The following TBC1D9 variants were observed in gnomAD, a reference collection of about 807,000 sequenced individuals.
The protein encoded by TBC1D9 is TBC1 domain family member 9, also known as TBC1 domain family member 9A.
Under a neutral mutation model 132.0 loss-of-function variants are expected in TBC1D9, and 63 were observed. That is an observed-to-expected ratio of 0.48 (90% confidence interval 0.39 to 0.59). The LOEUF (loss-of-function observed/expected upper bound fraction) is 0.59, where lower values mean the gene tolerates loss of function less well. Among genes scored for constraint, TBC1D9 ranks in the 20% least tolerant of loss-of-function variants. The probability of loss-of-function intolerance (pLI) is 0.00; values close to 1 mark genes in which losing one functional copy is unlikely to be tolerated. For missense variants in TBC1D9, 1,261 were observed against 1,592.7 expected, an observed-to-expected ratio of 0.79 and a Z score of 3.54; for synonymous variants, 610 against 609.9, an observed-to-expected ratio of 1.00 and a Z score of 0.00.
intron 1 of TBC1D9, among the ~76,000 whole-genome samples, chr4:140,741,777 G>A (rs1578864077): frequency 6.6e-6 from 1 of 152,238 alleles, no homozygotes; most frequent in African/African-American, 2.4e-5. Context: ...CCTGCTATCT[G>A]GAGGCTTCAT....
At chr4:140,701,847 C>T (rs2111040030) in intron 1 of TBC1D9, among the ~76,000 whole-genome samples, 1 of 132,978 alleles carries the variant, frequency 7.5e-6, no homozygotes, top group East Asian at 2.8e-4. Context: ...CAGGCTGCCC[C>T]ACATGTTATT....
At chr4:140,732,596 C>T (rs1432088202) in intron 1 of TBC1D9, among the ~76,000 whole-genome samples, 2 of 152,160 alleles carry the variant, frequency 1.3e-5, no homozygotes, top group Non-Finnish European at 2.9e-5. Flanking sequence ...ATTTAATTAA[C>T]TGAAATGAAA....
rs1263613261 is a variant in TBC1D9 at position 140,687,327 on chromosome 4, GTGTGTGTGTGTGTGT to G, written c.242-880_242-866del. On this transcript the variant is annotated intron_variant, in intron 2 of 20. Coordinates refer to ENST00000442267, the MANE Select transcript of TBC1D9 (RefSeq NM_015130.3). Reference sequence around the variant, plus strand: ...ATGTGTGCCATATATATATATGTGTGTGTGTGTGTGTGTGTCATATATATATATATATATATATAT... The same window carrying G: ...ATGTGTGCCATATATATATATGTGTGCATATATATATATATATATATATAT... Among the ~76,000 whole-genome samples, 88 of 119,432 alleles carry G rather than the reference GTGTGTGTGTGTGTGT, an allele frequency of 7.4e-4. 2 individuals carry two copies. Among genetic ancestry groups the G allele is most frequent in the African/African-American group, 2.4e-3 (79 of 32,980 alleles). The allele number at this position is 119,432 out of a possible 152,430, so 78.4% of individuals were successfully genotyped here.
intron 1 of TBC1D9, among the ~76,000 whole-genome samples, chr4:140,736,038 A>G (rs1738668464): frequency 1.3e-5 from 2 of 152,372 alleles, no homozygotes; most frequent in South Asian, 4.1e-4. Context: ...TGACAAGATT[A>G]TCAGGCTTCT....
chr4:140,667,671 G>A (rs1737469432), intron 9 of TBC1D9, among the ~76,000 whole-genome samples: 1 of 152,110 alleles, frequency 6.6e-6, no homozygotes, highest in Non-Finnish European at 1.5e-5. Context: ...GCTGAGGTAG[G>A]AGGATTGATT....
intron 2 of TBC1D9, among the ~76,000 whole-genome samples, chr4:140,686,678 A>G (rs188587201): frequency 1.2e-4 from 19 of 152,286 alleles, no homozygotes; most frequent in Middle Eastern, 3.4e-3. Context: ...TTGTGTTATA[A>G]TCAAGTTTGA....
At chr4:140,652,316 T>G (rs1291302486) in intron 13 of TBC1D9, among the ~76,000 whole-genome samples, 5 of 152,286 alleles carry the variant, frequency 3.3e-5, no homozygotes, top group African/African-American at 1.2e-4. Flanking sequence ...CCTGGGTCTT[T>G]CCCATATACA....
chr4:140,684,359 G>T (rs1737749491), intron 3 of TBC1D9, among the ~76,000 whole-genome samples: 1 of 152,056 alleles, frequency 6.6e-6, no homozygotes, highest in Non-Finnish European at 1.5e-5. Flanking sequence ...ATTTATAAAA[G>T]TTAATTAGGT....
At chr4:140,724,168 G>A (rs1329753401) in intron 1 of TBC1D9, among the ~76,000 whole-genome samples, 1 of 152,216 alleles carries the variant, frequency 6.6e-6, no homozygotes, top group African/African-American at 2.4e-5. Context: ...AAACAGGCCT[G>A]ATTAATGCAA....
At chr4:140,745,369 A>G (rs1409239770) in intron 1 of TBC1D9, among the ~76,000 whole-genome samples, 3 of 152,204 alleles carry the variant, frequency 2.0e-5, no homozygotes, top group Non-Finnish European at 2.9e-5. Context: ...TTTGTATTAC[A>G]GTTGACCTTT....
chr4:140,704,920 T>G (rs879471895), intron 1 of TBC1D9, among the ~76,000 whole-genome samples: 13 of 152,152 alleles, frequency 8.5e-5, no homozygotes, highest in Non-Finnish European at 1.8e-4. Context: ...CCACTAAGAC[T>G]TGGATGAAAA....
intron 1 of TBC1D9, among the ~76,000 whole-genome samples, chr4:140,732,665 T>C (rs150347484): frequency 2.6e-5 from 4 of 152,262 alleles, no homozygotes; most frequent in South Asian, 2.1e-4. Context: ...AGTTTCAACA[T>C]AGAACTCAAG....
intron 9 of TBC1D9, among the ~76,000 whole-genome samples, chr4:140,665,457 T>C (rs566092603): frequency 6.6e-6 from 1 of 152,168 alleles, no homozygotes; most frequent in Non-Finnish European, 1.5e-5. Context: ...AAAGAAGATA[T>C]AGAAGTGGTC....
Position 140,668,916 on chromosome 4 carries a change from C to A in TBC1D9, c.1588+1G>T. The A allele has an allele frequency of 6.2e-7, 1 of 1,613,678 alleles. No homozygotes were observed. The highest frequency in any genetic ancestry group is 8.5e-7 in the Non-Finnish European group (1 of 1,179,780). ...CAGCATTCCCAGCCCAGCGGCCGTA[C>A]CTGACAGCAGCAGCCAGAGCTCCCC... On this transcript the variant is annotated splice_donor_variant, in intron 9 of 20. Transcript: ENST00000442267. LOFTEE classifies it high-confidence loss of function.
chr4:140,688,953 T>C (rs890184438), intron 2 of TBC1D9, among the ~76,000 whole-genome samples: 1 of 151,990 alleles, frequency 6.6e-6, no homozygotes, highest in Non-Finnish European at 1.5e-5. Context: ...TCACCAGCTG[T>C]GACATGCGGC....
At chr4:140,655,386 A>T (rs142661479) in intron 13 of TBC1D9, among the ~76,000 whole-genome samples, 74 of 152,318 alleles carry the variant, frequency 4.9e-4, no homozygotes, top group African/African-American at 1.7e-3. Context: ...TAAAAGCACT[A>T]AATTTTTTAC....
chr4:140,660,927 T>A (rs1737347933), intron 10 of TBC1D9, among the ~76,000 whole-genome samples: 1 of 151,686 alleles, frequency 6.6e-6, no homozygotes, highest in South Asian at 2.1e-4. Context: ...CTTTTTTTTT[T>A]AATTTGAGAC....
chr4:140,667,076 C>T (rs1170474891), intron 9 of TBC1D9, among the ~76,000 whole-genome samples: 2 of 152,210 alleles, frequency 1.3e-5, no homozygotes, highest in Admixed American at 1.3e-4. Context: ...GAGTTCAGGT[C>T]ATGATGCCGT....
rs975464065 is a variant in TBC1D9, at chr4:140,621,842, T to A, written c.*353A>T. ...AATACACAAATGACTGCTGCCTTAC[T>A]TAGCATTAAACAGTACTATTTTTTA... On this transcript the variant is annotated 3_prime_UTR_variant, in exon 21 of 21. Coordinates refer to ENST00000442267, the MANE Select transcript of TBC1D9 (RefSeq NM_015130.3). The A allele has an allele frequency of 2.9e-5, 5 of 170,948 alleles. No homozygotes were observed. Among genetic ancestry groups the A allele is most frequent in the Non-Finnish European group, 6.2e-5 (5 of 81,274 alleles). The allele number at this position is 170,948 out of a possible 1,614,324, so 10.6% of individuals were successfully genotyped here. A position where few individuals can be genotyped will look rare whatever the true frequency, so the allele number is the denominator to read the frequency against.
Sources: gnomAD v4.1 joint callset for allele counts (sites outside exome capture counted in the v4.1 genomes callset) on GRCh38, gnomAD v4.1.1 for gene constraint, MANE v1.5 for transcripts, NCBI Gene and HGNC (gene_info 2026-07-23, HGNC 2026-07-21) for gene names.